ASTN2: variants seen among roughly 807,000 people sequenced by gnomAD.
ASTN2 encodes the protein astrotactin-2.
ASTN2 carries 54 observed loss-of-function variants against 139.8 expected under a neutral mutation model. The observed-to-expected ratio is 0.39, with a 90% CI of 0.31 to 0.48. The LOEUF (loss-of-function observed/expected upper bound fraction) is 0.48, where lower values mean the gene tolerates loss of function less well. Ranked by LOEUF, ASTN2 falls within the 20% of genes least tolerant of loss-of-function variation. The probability of loss-of-function intolerance (pLI) is 0.95; values close to 1 mark genes in which losing one functional copy is unlikely to be tolerated. For missense variants in ASTN2, 1,565 were observed against 1,725.1 expected (o/e 0.91, Z 1.64); for synonymous variants, 756 against 719.5 (o/e 1.05, Z -0.81).
At chr9:116,629,361 C>T (rs887942024) in intron 17 of ASTN2, among the ~76,000 whole-genome samples, 1 of 152,220 alleles carries the variant, frequency 6.6e-6, no homozygotes, top group South Asian at 2.1e-4. Flanking sequence ...TCATGATCCA[C>T]CTGCCTTGGC....
chr9:116,679,275 T>C (rs923484196), intron 16 of ASTN2, among the ~76,000 whole-genome samples: 4 of 152,112 alleles, frequency 2.6e-5, no homozygotes, highest in African/African-American at 9.7e-5. Flanking sequence ...AATCAAATTA[T>C]AAATTATGCC....
At chr9:116,481,927 T>C (rs1849181685) in intron 20 of ASTN2, among the ~76,000 whole-genome samples, 1 of 152,260 alleles carries the variant, frequency 6.6e-6, no homozygotes, top group African/African-American at 2.4e-5. Context: ...AAGAATCAGC[T>C]TGGGTATGAA....
intron 10 of ASTN2, among the ~76,000 whole-genome samples, chr9:116,966,296 A>G (rs535368086): frequency 6.6e-6 from 1 of 152,352 alleles, no homozygotes; most frequent in Non-Finnish European, 1.5e-5. Flanking sequence ...TGCATGTAAG[A>G]TAGAAGCTTA....
chr9:116,645,576 T>C (rs994304597), intron 17 of ASTN2, among the ~76,000 whole-genome samples: 6 of 152,104 alleles, frequency 3.9e-5, no homozygotes, highest in African/African-American at 1.4e-4. Context: ...ACCTCAGGCA[T>C]GTCATATCCT....
At chr9:117,013,224 A>G (rs180935131) in intron 6 of ASTN2, among the ~76,000 whole-genome samples, 142 of 152,304 alleles carry the variant, frequency 9.3e-4, no homozygotes, top group African/African-American at 3.3e-3. Context: ...AATTCCATTT[A>G]TTTGGGAATA....
intron 13 of ASTN2, among the ~76,000 whole-genome samples, chr9:116,738,266 TG>T (rs1828997757): frequency 6.6e-6 from 1 of 151,588 alleles, no homozygotes; most frequent in Non-Finnish European, 1.5e-5. Context: ...TTTGGGAGGC[TG>T]AGGCAGAAAG....
At chr9:116,764,735 T>A (rs1829761769) in intron 13 of ASTN2, among the ~76,000 whole-genome samples, 1 of 152,202 alleles carries the variant, frequency 6.6e-6, no homozygotes, top group African/African-American at 2.4e-5. Context: ...CTTCAAGGAG[T>A]TTAGAGTACA....
intron 15 of ASTN2, among the ~76,000 whole-genome samples, chr9:116,726,534 A>G (rs1220163700): frequency 2.0e-5 from 3 of 152,138 alleles, no homozygotes; most frequent in Non-Finnish European, 4.4e-5. Context: ...CTGGAATCCT[A>G]AGGCTGCATT....
At chr9:117,193,006 T>G (rs1323250290) in intron 3 of ASTN2, among the ~76,000 whole-genome samples, 1 of 152,230 alleles carries the variant, frequency 6.6e-6, no homozygotes, top group African/African-American at 2.4e-5. Context: ...GGAAAGACTA[T>G]TCCCTATTTT....
intron 10 of ASTN2, among the ~76,000 whole-genome samples, chr9:116,945,086 C>T (rs561709344): frequency 2.8e-4 from 43 of 152,258 alleles, no homozygotes; most frequent in Admixed American, 4.6e-4. Context: ...CGTTCAAGGT[C>T]TCAAGAAGGC....
At position 116,977,739 on chromosome 9, in the gene ASTN2, G is replaced by C. The variant is rs190183256; in HGVS notation, c.1592-954C>G. ...TCTTTTTTTTTTTTTTTTTGAGACTGAGAGTCTCACTCCATCACCCAGACT... is the reference window on the plus strand; with the variant it reads ...TCTTTTTTTTTTTTTTTTTGAGACTCAGAGTCTCACTCCATCACCCAGACT... On this transcript the variant is annotated intron_variant, in intron 7 of 22. Transcript: ENST00000313400. 1.5e-3 allele frequency among the ~76,000 whole-genome samples: 188 copies of C among 126,174 alleles called. 2 individuals are homozygous for C. The highest frequency in any genetic ancestry group is 5.2e-3 in the African/African-American group (170 of 32,808). The allele number at this position is 126,174 out of a possible 152,430, so 82.8% of individuals were successfully genotyped here.
intron 10 of ASTN2, among the ~76,000 whole-genome samples, chr9:116,957,674 G>A (rs966335629): frequency 2.0e-5 from 3 of 152,196 alleles, no homozygotes; most frequent in African/African-American, 7.2e-5. Context: ...TTCAGATTAT[G>A]TTTTTGTTTT....
intron 1 of ASTN2, among the ~76,000 whole-genome samples, chr9:117,293,369 A>G (rs1382656529): frequency 6.6e-6 from 1 of 152,126 alleles, no homozygotes; most frequent in Non-Finnish European, 1.5e-5. Context: ...ATCTCACATC[A>G]CTAAGCCCTC....
At chr9:116,843,558 G>A (rs1158615334) in intron 11 of ASTN2, among the ~76,000 whole-genome samples, 1 of 151,756 alleles carries the variant, frequency 6.6e-6, no homozygotes, top group African/African-American at 2.4e-5. Context: ...ACTCGGGAGG[G>A]TGATGGGGGA....
chr9:116,955,365 T>C (rs1023900703), intron 10 of ASTN2, among the ~76,000 whole-genome samples: 2 of 152,212 alleles, frequency 1.3e-5, no homozygotes, highest in Non-Finnish European at 2.9e-5. Flanking sequence ...TGGTATGAAC[T>C]GTCAAATGGA....
At chr9:117,283,967 T>C (rs1308648768) in intron 2 of ASTN2, among the ~76,000 whole-genome samples, 1 of 152,164 alleles carries the variant, frequency 6.6e-6, no homozygotes. Context: ...TTATTTTCAA[T>C]GGCAAAAACC....
At chr9:117,013,763 A>T (rs1837598883) in intron 6 of ASTN2, among the ~76,000 whole-genome samples, 1 of 152,236 alleles carries the variant, frequency 6.6e-6, no homozygotes, top group East Asian at 1.9e-4. Flanking sequence ...GCCACCAAAG[A>T]AACAGAAGGC....
chr9:117,100,244 C>T (rs1828943892), intron 4 of ASTN2, among the ~76,000 whole-genome samples: 1 of 152,212 alleles, frequency 6.6e-6, no homozygotes, highest in Non-Finnish European at 1.5e-5. Context: ...GTCAAGCCTC[C>T]ATTTCCAAAC....
chr9:116,744,444 A>G (rs1363702768), intron 13 of ASTN2, among the ~76,000 whole-genome samples: 1 of 152,152 alleles, frequency 6.6e-6, no homozygotes, highest in Non-Finnish European at 1.5e-5. Flanking sequence ...GCCTGACTAC[A>G]GGGTAGAGGA....
Sources: allele counts gnomAD v4.1 joint callset (sites outside exome capture counted in the v4.1 genomes callset), GRCh38; gene constraint gnomAD v4.1.1; transcripts MANE v1.5; gene names NCBI Gene and HGNC (gene_info 2026-07-23, HGNC 2026-07-21).